Variants in ADGRV1 observed in about 807,000 individuals in gnomAD.
The protein encoded by ADGRV1 is G-protein coupled receptor 98.
ADGRV1 carries 359 observed loss-of-function variants against 596.2 expected under a neutral mutation model. The ratio of observed to expected loss-of-function variants is 0.60; its 90% CI spans 0.55 to 0.66. The LOEUF is 0.66. Ranked by LOEUF, ADGRV1 falls within the 30% of genes least tolerant of loss-of-function variation. The pLI, the probability that ADGRV1 is intolerant of heterozygous loss-of-function variation, is 0.00. For missense variants in ADGRV1, 7,274 were observed against 7,575.6 expected, an observed-to-expected ratio of 0.96 and a Z score of 1.48; for synonymous variants, 2,681 against 2,679.2, an observed-to-expected ratio of 1.00 and a Z score of -0.02.
intron 83 of ADGRV1, among the ~76,000 whole-genome samples, chr5:90,949,714 TA>T (rs1776896319): frequency 6.6e-6 from 1 of 152,174 alleles, no homozygotes; most frequent in Non-Finnish European, 1.5e-5. Context: ...GGTTAGAGTC[TA>T]ATGCAAGTAT....
intron 85 of ADGRV1, among the ~76,000 whole-genome samples, chr5:91,015,755 A>G (rs190843931): frequency 6.6e-6 from 1 of 151,826 alleles, no homozygotes; most frequent in East Asian, 1.9e-4. Flanking sequence ...CCATCTCTCT[A>G]TTTTGAGCCA....
chr5:90,774,157 A>G, intron 59 of ADGRV1, 29 bp from the exon 60 acceptor site: 1 of 1,322,092 alleles, frequency 7.6e-7, no homozygotes, highest in South Asian at 1.4e-5. Flanking sequence ...TCAATCTGGA[A>G]AATGCACTGT....
chr5:90,821,959 T>A lies in ADGRV1; in HGVS notation c.16197-1466T>A, dbSNP rs562641713. On this transcript the variant is annotated intron_variant, in intron 75 of 89. Transcript: ENST00000405460. Reference sequence around the variant, plus strand: ...TGGGCTCCACCCAGTTTGAGCTTCCTGGCTGCTTTGTTTAAATAAGCAAGC... The same window carrying A: ...TGGGCTCCACCCAGTTTGAGCTTCCAGGCTGCTTTGTTTAAATAAGCAAGC... 3.8e-3 allele frequency: 597 copies of A among 158,404 alleles called. 1 individual carries two copies. The highest frequency in any genetic ancestry group is 0.013 in the African/African-American group (559 of 41,420). 9.8% of individuals were successfully genotyped at this position (158,404 alleles called of 1,614,324 possible).
chr5:90,736,446 G>A (rs778200206), intron 50 of ADGRV1, among the ~76,000 whole-genome samples: 5 of 151,774 alleles, frequency 3.3e-5, no homozygotes, highest in Non-Finnish European at 2.9e-5. Context: ...TTTTCTTATA[G>A]GGTCTTTGGC....
In ADGRV1 at chr5:90,788,191, AT is replaced by A; in HGVS notation, c.13775del (p.Ile4592LysfsTer3). 1 of 1,613,862 alleles carries A rather than the reference AT, an allele frequency of 6.2e-7. No individual in the cohort carries two copies. The highest frequency in any genetic ancestry group is 1.1e-5 in the South Asian group (1 of 91,072). On this transcript the variant is annotated frameshift_variant, in exon 68 of 90. Coordinates refer to ENST00000405460, the MANE Select transcript of ADGRV1 (RefSeq NM_032119.4). LOFTEE classifies it high-confidence loss of function. ...FGEGEGGVRTIILTIYPHEEI... is the reference protein window; with the variant it reads ...FGEGEGGVRTXILTIYPHEEI... ...AGAAGGAGAAGGAGGAGTGAGAACC[AT>A]AATTCTGACAATCTATCCTCATGAA...
intron 87 of ADGRV1, among the ~76,000 whole-genome samples, chr5:91,120,318 T>A (rs1793200455): frequency 6.6e-6 from 1 of 152,192 alleles, no homozygotes; most frequent in Admixed American, 6.5e-5. Flanking sequence ...CCAGATTTTT[T>A]ATGTGAAACC....
intron 5 of ADGRV1, among the ~76,000 whole-genome samples, chr5:90,623,275 A>G (rs1417610985): frequency 6.6e-6 from 1 of 152,248 alleles, no homozygotes; most frequent in Admixed American, 6.5e-5. Context: ...AAATCATAGG[A>G]TAGAATAATA....
intron 83 of ADGRV1, among the ~76,000 whole-genome samples, chr5:90,910,723 T>C (rs1028161663): frequency 6.6e-6 from 1 of 152,054 alleles, no homozygotes; most frequent in African/African-American, 2.4e-5. Flanking sequence ...GGTCATCTGA[T>C]TGGAAATTTT....
intron 11 of ADGRV1, among the ~76,000 whole-genome samples, chr5:90,641,783 G>T (rs1029188349): frequency 2.0e-5 from 3 of 152,152 alleles, no homozygotes; most frequent in Non-Finnish European, 4.4e-5. Context: ...ATTTCGCAAG[G>T]TTTAGAGCAG....
chr5:90,975,633 C>T (rs1402031758), intron 84 of ADGRV1, among the ~76,000 whole-genome samples: 1 of 152,116 alleles, frequency 6.6e-6, no homozygotes, highest in African/African-American at 2.4e-5. Context: ...TGTTCTCACT[C>T]ATAGGTAGGA....
At chr5:91,045,457 A>G (rs139634969) in intron 85 of ADGRV1, among the ~76,000 whole-genome samples, 2 of 152,322 alleles carry the variant, frequency 1.3e-5, no homozygotes, top group Non-Finnish European at 2.9e-5. Flanking sequence ...CCCTCAACAG[A>G]TGCAGAAAAA....
chr5:91,100,282 C>T (rs545642289), intron 86 of ADGRV1, among the ~76,000 whole-genome samples: 8 of 152,128 alleles, frequency 5.3e-5, no homozygotes, highest in African/African-American at 9.6e-5. Flanking sequence ...ATTAAGTGGG[C>T]GTGGTGGCAT....
intron 42 of ADGRV1, among the ~76,000 whole-genome samples, chr5:90,714,386 C>T (rs565147499): frequency 3.4e-3 from 509 of 151,492 alleles, no homozygotes; most frequent in African/African-American, 0.011. Flanking sequence ...CAACACTTTG[C>T]CTCTTAAATA....
intron 20 of ADGRV1, chr5:90,655,534 G>A (rs1437857949): frequency 6.6e-6 from 1 of 152,088 alleles, no homozygotes; most frequent in African/African-American, 2.4e-5. Flanking sequence ...ACATATGCCT[G>A]CCATATGCAT....
chr5:90,836,108 G>T (rs1464688562), intron 77 of ADGRV1, among the ~76,000 whole-genome samples: 1 of 152,158 alleles, frequency 6.6e-6, no homozygotes, highest in Non-Finnish European at 1.5e-5. Flanking sequence ...AATTCACAGA[G>T]ACTGGATCAC....
Position 90,778,004 on chromosome 5 carries a change from A to T in ADGRV1, c.12627A>T (p.Thr4209=), listed in dbSNP as rs897991545. The T allele has an allele frequency of 6.3e-7, 1 of 1,594,994 alleles. No individual in the cohort carries two copies. Among genetic ancestry groups the T allele is most frequent in the Non-Finnish European group, 8.6e-7 (1 of 1,169,520 alleles). ...TTGCTGAAACATCAGGAAAACTGAC[A>T]ATGCGAGACGAACAGTCTGCAGTCA... ...GEFAETSGKL[T]MRDEQSAVIV... Residue 4209 remains threonine (T), a synonymous_variant, in exon 62 of 90, where the codon ACA becomes ACT. Transcript: ENST00000405460.
intron 48 of ADGRV1, 139 bp downstream of exon 48, chr5:90,725,795 A>G (rs1751692176): frequency 1.8e-6 from 1 of 570,774 alleles, no homozygotes; most frequent in Non-Finnish European, 3.1e-6. Flanking sequence ...GAATGTAAAG[A>G]CTGGTTAGTT....
intron 59 of ADGRV1, among the ~76,000 whole-genome samples, chr5:90,773,592 G>A (rs779527728): frequency 6.6e-6 from 1 of 152,112 alleles, no homozygotes; most frequent in Non-Finnish European, 1.5e-5. Flanking sequence ...AAAGGTGAAG[G>A]TAAAAGAAAA....
chr5:90,870,776 A>G (rs1403826894), intron 83 of ADGRV1, among the ~76,000 whole-genome samples: 1 of 152,194 alleles, frequency 6.6e-6, no homozygotes, highest in South Asian at 2.1e-4. Context: ...GGGCTGCCAC[A>G]CAAGGGGCAG....
Sources: gnomAD v4.1 joint callset for allele counts (sites outside exome capture counted in the v4.1 genomes callset) on GRCh38, gnomAD v4.1.1 for gene constraint, MANE v1.5 for transcripts, NCBI Gene and HGNC (gene_info 2026-07-23, HGNC 2026-07-21) for gene names.